RNF175: variants seen among roughly 807,000 people sequenced by gnomAD.
RNF175 encodes the protein ring finger protein 175.
RNF175 carries 38 observed loss-of-function variants against 50.0 expected under a neutral mutation model. The observed-to-expected ratio is 0.76, with a 90% confidence interval of 0.59 to 1.00. The LOEUF (loss-of-function observed/expected upper bound fraction) is 1.00, where lower values mean the gene tolerates loss of function less well. Ranked by LOEUF, RNF175 falls within the 50% of genes least tolerant of loss-of-function variation. The pLI, the probability that RNF175 is intolerant of heterozygous loss-of-function variation, is 0.00. For missense variants in RNF175, 388 were observed against 409.6 expected, an observed-to-expected ratio of 0.95 and a Z score of 0.46; for synonymous variants, 155 against 146.1, an observed-to-expected ratio of 1.06 and a Z score of -0.44.
chr4:153,712,451 T>C (rs1463312983), intron 8 of RNF175, 24 bp downstream of exon 8: 2 of 1,299,828 alleles, frequency 1.5e-6, no homozygotes, highest in Non-Finnish European at 2.2e-6. Flanking sequence ...TAATCTCTTA[T>C]AACCTTTTTG....
Position 153,751,492 on chromosome 4 carries a change from G to T in RNF175, c.67-17C>A. 1 of 1,548,268 alleles carries T rather than the reference G, an allele frequency of 6.5e-7. No individual in the cohort carries two copies. ...ATGAGAGAGCTGAAAAACATAAAAAGGGCCCTTATCAAAAAATGTCCTTAT... is the reference window on the plus strand; with the variant it reads ...ATGAGAGAGCTGAAAAACATAAAAATGGCCCTTATCAAAAAATGTCCTTAT... On this transcript the variant is annotated splice_polypyrimidine_tract_variant and intron_variant, in intron 1 of 8. Transcript: ENST00000347063.
chr4:153,719,398 A>G (rs1235174614), intron 6 of RNF175, among the ~76,000 whole-genome samples: 2 of 152,120 alleles, frequency 1.3e-5, no homozygotes, highest in Admixed American at 1.3e-4. Flanking sequence ...TGATTTTTCT[A>G]CTTCACATCT....
chr4:153,712,570 A>G lies in RNF175; in HGVS notation c.771T>C (p.His257=), dbSNP rs1386442578. ...TYQLSCNHVF[H]EFCIRGWCIV... ...TACACCAACCTCGGATGCAGAATTC[A>G]TGAAAGCTGAAGCATCTTGTTAGGG... The change falls in exon 8 of 9, where the codon CAT becomes CAC. Residue 257 remains histidine (H), a synonymous_variant. Coordinates refer to ENST00000347063, the MANE Select transcript of RNF175 (RefSeq NM_173662.4). 2.5e-6 allele frequency: 4 copies of G among 1,609,694 alleles called. No individual in the cohort carries two copies. The highest frequency in any genetic ancestry group is 1.7e-5 in the Admixed American group (1 of 59,884).
chr4:153,720,913 C>T (rs1738297698), intron 5 of RNF175, among the ~76,000 whole-genome samples: 1 of 152,142 alleles, frequency 6.6e-6, no homozygotes, highest in African/African-American at 2.4e-5. Context: ...TTCTAATGAT[C>T]TTTCCTAACA....
chr4:153,737,822 T>C (rs574688898), intron 3 of RNF175, among the ~76,000 whole-genome samples: 1 of 152,336 alleles, frequency 6.6e-6, no homozygotes, highest in East Asian at 1.9e-4. Flanking sequence ...AGCAAGCTGA[T>C]GAATGGAACT....
rs111969331 is a variant in RNF175, at chr4:153,741,439, A to G, written c.246+7206T>C. On this transcript the variant is annotated intron_variant, in intron 3 of 8. Transcript: ENST00000347063. ...TGTGGGGTCCCTGACTGTGGCTCCC[A>G]GGAGTTTCTCACTCTCACACTACTC... Among the ~76,000 whole-genome samples, 38 of 152,334 alleles carry G rather than the reference A, an allele frequency of 2.5e-4. 2 individuals carry two copies. The highest frequency in any genetic ancestry group is 9.1e-4 in the African/African-American group (38 of 41,584).
intron 8 of RNF175, 133 bp from the exon 9 acceptor site, chr4:153,710,622 A>G: frequency 3.6e-6 from 3 of 831,132 alleles, no homozygotes; most frequent in Non-Finnish European, 5.6e-6. Flanking sequence ...TGCTCAATTA[A>G]AAGCCCCTTA....
chr4:153,712,384 C>G (rs1000425830), intron 8 of RNF175, 91 bp downstream of exon 8: 93 of 862,480 alleles, frequency 1.1e-4, no homozygotes, highest in Non-Finnish European at 1.6e-4. Context: ...TCTGCTGGAA[C>G]TATACAAAAA....
chr4:153,711,817 G>A (rs137896092), intron 8 of RNF175, among the ~76,000 whole-genome samples: 54 of 152,290 alleles, frequency 3.5e-4, no homozygotes, highest in Non-Finnish European at 5.9e-4. Flanking sequence ...CGACCTTAAT[G>A]TGACTTGAAT....
At chr4:153,739,321 T>C (rs1739522875) in intron 3 of RNF175, among the ~76,000 whole-genome samples, 1 of 151,992 alleles carries the variant, frequency 6.6e-6, no homozygotes, top group Non-Finnish European at 1.5e-5. Context: ...CTCGGGAGGC[T>C]GAGGCAGGAG....
In RNF175 at chr4:153,712,853, CT is replaced by C. The variant is rs111263057; in HGVS notation, c.765-278del. On this transcript the variant is annotated intron_variant, in intron 7 of 8. Coordinates refer to ENST00000347063, the MANE Select transcript of RNF175 (RefSeq NM_173662.4). Reference sequence around the variant, plus strand: ...TTAGATTAGATAAAGAATATGAGTCCTTTTTTTTTTTTTTCCTTTACAGTGA... The same window carrying C: ...TTAGATTAGATAAAGAATATGAGTCCTTTTTTTTTTTTTCCTTTACAGTGA... 5.4e-3 allele frequency among the ~76,000 whole-genome samples: 772 copies of C among 141,850 alleles called. 1 individual carries two copies. The highest frequency in any genetic ancestry group is 0.012 in the African/African-American group (457 of 38,840). 93.1% of individuals were successfully genotyped at this position (141,850 alleles called of 152,430 possible). A position where few individuals can be genotyped will look rare whatever the true frequency, so the allele number is the denominator to read the frequency against.
intron 8 of RNF175, among the ~76,000 whole-genome samples, chr4:153,711,086 C>A (rs1210478913): frequency 6.6e-6 from 1 of 152,094 alleles, no homozygotes; most frequent in Non-Finnish European, 1.5e-5. Flanking sequence ...TTTATTTTCT[C>A]AAGACTACAT....
intron 3 of RNF175, among the ~76,000 whole-genome samples, chr4:153,733,043 T>A (rs1739131182): frequency 6.6e-6 from 1 of 152,202 alleles, no homozygotes; most frequent in South Asian, 2.1e-4. Context: ...AATAAACCAT[T>A]TCTTTTGCTT....
intron 3 of RNF175, among the ~76,000 whole-genome samples, chr4:153,745,078 A>G (rs1390794578): frequency 1.3e-5 from 2 of 152,350 alleles, no homozygotes; most frequent in Admixed American, 6.5e-5. Flanking sequence ...TGAGTCCCTC[A>G]GGCTCTATAA....
At chr4:153,729,187 T>C (rs1276575775) in intron 3 of RNF175, among the ~76,000 whole-genome samples, 1 of 152,266 alleles carries the variant, frequency 6.6e-6, no homozygotes, top group East Asian at 1.9e-4. Flanking sequence ...TTTGGTCTTT[T>C]ATGTTTTCTC....
chr4:153,731,740 T>G (rs909047119), intron 3 of RNF175, among the ~76,000 whole-genome samples: 3 of 151,774 alleles, frequency 2.0e-5, no homozygotes, highest in Non-Finnish European at 4.4e-5. Context: ...AATAAATAAA[T>G]TATGTGTGTT....
intron 6 of RNF175, among the ~76,000 whole-genome samples, chr4:153,717,037 T>C (rs1737976814): frequency 6.6e-6 from 1 of 152,222 alleles, no homozygotes; most frequent in Non-Finnish European, 1.5e-5. Flanking sequence ...GAGGAGAATT[T>C]ATATAAATTA....
rs933897161 is a variant in RNF175, at chr4:153,715,734, T to C, written c.631-72A>G. ...CCACTCTCTGAATGCAGGAAGCCAC[T>C]GCCAGGCACTGGGACAGGCAGCCCT... On this transcript the variant is annotated intron_variant, in intron 6 of 8. Coordinates refer to ENST00000347063, the MANE Select transcript of RNF175 (RefSeq NM_173662.4). 22 of 1,508,272 alleles carry C rather than the reference T, an allele frequency of 1.5e-5. No individual in the cohort carries two copies. The African/African-American group carries it at 2.9e-4, about 20-fold the overall frequency. 93.4% of individuals were successfully genotyped at this position (1,508,272 alleles called of 1,614,324 possible). A position where few individuals can be genotyped will look rare whatever the true frequency, so the allele number is the denominator to read the frequency against.
At chr4:153,725,601 T>C (rs1353673369) in intron 4 of RNF175, among the ~76,000 whole-genome samples, 2 of 152,224 alleles carry the variant, frequency 1.3e-5, no homozygotes, top group Admixed American at 1.3e-4. Context: ...TAGCATGCTG[T>C]TGGGAGCAGG....
Sources: allele counts gnomAD v4.1 joint callset (sites outside exome capture counted in the v4.1 genomes callset), GRCh38; gene constraint gnomAD v4.1.1; transcripts MANE v1.5; gene names NCBI Gene and HGNC (gene_info 2026-07-23, HGNC 2026-07-21).